PRKAA2: variants seen among roughly 807,000 people sequenced by gnomAD.
PRKAA2 encodes the protein protein kinase AMP-activated catalytic subunit alpha 2.
In PRKAA2, 40 loss-of-function variants were observed where a neutral mutation model predicts 56.3. The ratio of observed to expected loss-of-function variants is 0.71; its 90% confidence interval spans 0.55 to 0.92. The LOEUF is 0.92. PRKAA2 is among the 40% of genes least tolerant of loss of function. The pLI, the probability that PRKAA2 is intolerant of heterozygous loss-of-function variation, is 0.00. For synonymous variants in PRKAA2, 214 were observed against 234.2 expected (o/e 0.91, Z 0.79); for missense variants, 542 against 686.9 (o/e 0.79, Z 2.36).
intron 1 of PRKAA2, among the ~76,000 whole-genome samples, chr1:56,652,465 G>A (rs1235955376): frequency 1.3e-5 from 2 of 152,194 alleles, no homozygotes; most frequent in Non-Finnish European, 2.9e-5. Context: ...GTGATTGCCA[G>A]TAACCTTTAG....
chr1:56,686,826 C>T (rs887481675), intron 2 of PRKAA2, among the ~76,000 whole-genome samples: 7 of 151,986 alleles, frequency 4.6e-5, no homozygotes, highest in Middle Eastern at 3.4e-3. Context: ...ACATACAAAC[C>T]ATATTAATGT....
Position 56,664,855 on chromosome 1 carries a change from T to TACACACACACAC in PRKAA2, c.95-9500_95-9489dup, listed in dbSNP as rs67041631. ...ACACATGTATGCATAAGTATATGTGTACACACACACACACACACACACACA... is the reference window on the plus strand; with the variant it reads ...ACACATGTATGCATAAGTATATGTGTACACACACACACACACACACACACACACACACACACA... On this transcript the variant is annotated intron_variant, in intron 1 of 8. Transcript: ENST00000371244. Among the ~76,000 whole-genome samples, 709 of 139,918 alleles carry TACACACACACAC rather than the reference T, an allele frequency of 5.1e-3. 6 individuals are homozygous for TACACACACACAC. Among genetic ancestry groups the TACACACACACAC allele is most frequent in the East Asian group, 0.016 (72 of 4,608 alleles). 91.8% of individuals were successfully genotyped at this position (139,918 alleles called of 152,430 possible). A position where few individuals can be genotyped will look rare whatever the true frequency, so the allele number is the denominator to read the frequency against.
chr1:56,666,161 A>G (rs180700240), intron 1 of PRKAA2, among the ~76,000 whole-genome samples: 79 of 152,302 alleles, frequency 5.2e-4, no homozygotes, highest in Non-Finnish European at 7.8e-4. Context: ...CCCAAGTATT[A>G]GAGTTAGTCA....
rs1251108960 is a variant in PRKAA2 at position 56,713,416 on chromosome 1, A to G, written c.*5703A>G. 2.0e-5 allele frequency: 3 copies of G among 152,152 alleles called. No homozygotes were observed. The highest frequency in any genetic ancestry group is 2.9e-5 in the Non-Finnish European group (2 of 68,026). The allele number at this position is 152,152 out of a possible 1,614,324, so 9.4% of individuals were successfully genotyped here. ...CTTTTGGTAAAAATGGTTTATATCT[A>G]AAGTAGTTTAGATTTTATGGAAGTG... On this transcript the variant is annotated 3_prime_UTR_variant, in exon 9 of 9. Transcript: ENST00000371244.
At chr1:56,695,182 T>TTATA (rs71852426) in intron 5 of PRKAA2, among the ~76,000 whole-genome samples, 14 of 129,986 alleles carry the variant, frequency 1.1e-4, no homozygotes, top group Admixed American at 6.7e-4. Context: ...ATATGATATA[T>TTATA]TATATATATA....
In PRKAA2 at chr1:56,712,931, A is replaced by G. The variant is rs1224085651; in HGVS notation, c.*5218A>G. The G allele has an allele frequency of 6.6e-6, 1 of 152,168 alleles. No homozygotes were observed. The highest frequency in any genetic ancestry group is 1.5e-5 in the Non-Finnish European group (1 of 68,026). The allele number at this position is 152,168 out of a possible 1,614,324, so 9.4% of individuals were successfully genotyped here. ...ATAGTTTTTGACTATTATCTGAATT[A>G]GTCTTATCCAAATTTCATATGCAGA... is the stretch of plus-strand genomic sequence containing the variant. On this transcript the variant is annotated 3_prime_UTR_variant, in exon 9 of 9. Coordinates refer to ENST00000371244, the MANE Select transcript of PRKAA2 (RefSeq NM_006252.4).
At chr1:56,692,946 G>A (rs531432468) in intron 4 of PRKAA2, among the ~76,000 whole-genome samples, 1 of 152,154 alleles carries the variant, frequency 6.6e-6, no homozygotes, top group Admixed American at 6.5e-5. Flanking sequence ...TCCACAAAGA[G>A]GTCCTTAGGT....
intron 1 of PRKAA2, among the ~76,000 whole-genome samples, chr1:56,672,869 CTT>C (rs1349053432): frequency 6.6e-6 from 1 of 152,030 alleles, no homozygotes; most frequent in African/African-American, 2.4e-5. Flanking sequence ...TGTAACTACT[CTT>C]GAGAAATTTT....
chr1:56,710,621 T>A lies in PRKAA2; in HGVS notation c.*2908T>A, dbSNP rs1348298252. ...GATTGAAAATTAGAATTACTTTGTT[T>A]TAACTTGCAGACATGTTCATCGTGA... On this transcript the variant is annotated 3_prime_UTR_variant, in exon 9 of 9. Coordinates refer to ENST00000371244, the MANE Select transcript of PRKAA2 (RefSeq NM_006252.4). The A allele has an allele frequency of 6.6e-6, 1 of 152,164 alleles. No homozygotes were observed. Among genetic ancestry groups the A allele is most frequent in the Non-Finnish European group, 1.5e-5 (1 of 67,994 alleles). 9.4% of individuals were successfully genotyped at this position (152,164 alleles called of 1,614,324 possible).
chr1:56,686,777 T>A (rs556194355), intron 2 of PRKAA2, among the ~76,000 whole-genome samples: 1 of 152,208 alleles, frequency 6.6e-6, no homozygotes, highest in South Asian at 2.1e-4. Flanking sequence ...ATGTTCAACA[T>A]TGGGAATCAC....
At position 56,708,572 on chromosome 1, in the gene PRKAA2, A is replaced by T. The variant is rs1286259650; in HGVS notation, c.*859A>T. On this transcript the variant is annotated 3_prime_UTR_variant, in exon 9 of 9. Coordinates refer to ENST00000371244, the MANE Select transcript of PRKAA2 (RefSeq NM_006252.4). The stretch of plus-strand genomic sequence containing the variant: ...GTGATAAAATAGTTAAATGAAACAA[A>T]GCAAAGTATCAACAGTCCCTTAAAT... 1 of 152,228 alleles carries T rather than the reference A, an allele frequency of 6.6e-6. No homozygotes were observed. The highest frequency in any genetic ancestry group is 1.5e-5 in the Non-Finnish European group (1 of 68,038). 9.4% of individuals were successfully genotyped at this position (152,228 alleles called of 1,614,324 possible). A position where few individuals can be genotyped will look rare whatever the true frequency, so the allele number is the denominator to read the frequency against.
At chr1:56,702,245 G>A (rs998712389) in intron 6 of PRKAA2, among the ~76,000 whole-genome samples, 4 of 152,012 alleles carry the variant, frequency 2.6e-5, no homozygotes, top group Admixed American at 6.6e-5. Flanking sequence ...CACCACGCCC[G>A]GCTAATTTTG....
intron 1 of PRKAA2, among the ~76,000 whole-genome samples, chr1:56,646,959 A>T (rs4451572): frequency 0.34 from 52,275 of 152,054 alleles, 9,296 homozygotes; most frequent in Admixed American, 0.48. Context: ...AGTAATCAGA[A>T]TATATATGTA....
rs957727601 is a variant in PRKAA2 at position 56,691,823 on chromosome 1, T to G, written c.330+336T>G. On this transcript the variant is annotated intron_variant, in intron 3 of 8. Transcript: ENST00000371244. Reference sequence around the variant, plus strand: ...TTTTACTGTCAATTCCCCAAAACATTGTGCACATTTAATAATATTAATTGA... The same window carrying G: ...TTTTACTGTCAATTCCCCAAAACATGGTGCACATTTAATAATATTAATTGA... Among the ~76,000 whole-genome samples, 4 of 152,154 alleles carry G rather than the reference T, an allele frequency of 2.6e-5. No individual in the cohort carries two copies. The South Asian group carries it at 8.3e-4, about 32-fold the overall frequency.
At chr1:56,651,287 A>G (rs1159076041) in intron 1 of PRKAA2, among the ~76,000 whole-genome samples, 1 of 152,204 alleles carries the variant, frequency 6.6e-6, no homozygotes, top group Non-Finnish European at 1.5e-5. Context: ...CATATTTTCA[A>G]TACTTCAGTG....
At chr1:56,656,175 G>A (rs1227162866) in intron 1 of PRKAA2, among the ~76,000 whole-genome samples, 1 of 152,160 alleles carries the variant, frequency 6.6e-6, no homozygotes, top group African/African-American at 2.4e-5. Flanking sequence ...TGAATTAGAT[G>A]ATGGGTCAGA....
At chr1:56,705,000 C>T (rs189834121) in intron 7 of PRKAA2, among the ~76,000 whole-genome samples, 43 of 152,070 alleles carry the variant, frequency 2.8e-4, no homozygotes, top group Middle Eastern at 3.4e-3. Context: ...TACTCTCAGC[C>T]CACAGTTTGC....
chr1:56,692,561 C>T (rs1272277815), intron 4 of PRKAA2, 59 bp downstream of exon 4: 3 of 1,525,340 alleles, frequency 2.0e-6, no homozygotes, highest in African/African-American at 2.8e-5. Flanking sequence ...CATAACAACT[C>T]ATTGAACTAA....
At chr1:56,687,068 G>C (rs1298717212) in intron 2 of PRKAA2, among the ~76,000 whole-genome samples, 2 of 151,868 alleles carry the variant, frequency 1.3e-5, no homozygotes, top group Admixed American at 1.3e-4. Context: ...ATTTTTAGTA[G>C]ACATGGGGTT....
Sources: gnomAD v4.1 joint callset for allele counts (sites outside exome capture counted in the v4.1 genomes callset) on GRCh38, gnomAD v4.1.1 for gene constraint, MANE v1.5 for transcripts, NCBI Gene and HGNC (gene_info 2026-07-23, HGNC 2026-07-21) for gene names.